The following ELOVL6 variants were observed in gnomAD, a reference collection of about 807,000 sequenced individuals.
ELOVL6 encodes ELOVL fatty acid elongase 6, also known as very long chain fatty acid elongase 6.
Under a neutral mutation model 31.7 loss-of-function variants are expected in ELOVL6, and 8 were observed. The observed-to-expected ratio is 0.25, with a 90% CI of 0.15 to 0.45. The LOEUF (loss-of-function observed/expected upper bound fraction) is 0.45. ELOVL6 is among the 20% of genes least tolerant of loss of function. ELOVL6 has a pLI of 1.00. For synonymous variants in ELOVL6, 101 were observed against 117.7 expected (o/e 0.86, Z 0.92); for missense variants, 126 against 326.4 (o/e 0.39, Z 4.73).
chr4:110,117,231 C>G (rs557823405), intron 1 of ELOVL6, among the ~76,000 whole-genome samples: 4 of 152,104 alleles, frequency 2.6e-5, no homozygotes, highest in African/African-American at 9.7e-5. Context: ...CCCAAAAATG[C>G]CAATAGTGCT....
At chr4:110,059,053 T>G (rs2126221959) in intron 3 of ELOVL6, among the ~76,000 whole-genome samples, 1 of 152,324 alleles carries the variant, frequency 6.6e-6, no homozygotes, top group East Asian at 1.9e-4. Context: ...AGCCTGTATT[T>G]TCTATTACTT....
chr4:110,131,911 A>C (rs1757680908), intron 1 of ELOVL6, among the ~76,000 whole-genome samples: 2 of 152,248 alleles, frequency 1.3e-5, no homozygotes, highest in African/African-American at 4.8e-5. Context: ...AGAGAAGGAC[A>C]GAAATTCTCT....
At chr4:110,096,450 C>T (rs1006505314) in intron 2 of ELOVL6, among the ~76,000 whole-genome samples, 2 of 152,130 alleles carry the variant, frequency 1.3e-5, no homozygotes, top group Non-Finnish European at 2.9e-5. Flanking sequence ...CAGTTTTAGA[C>T]ATCTAGAAAA....
chr4:110,066,667 T>C (rs529941412), intron 2 of ELOVL6, among the ~76,000 whole-genome samples: 1 of 141,358 alleles, frequency 7.1e-6, no homozygotes, highest in Admixed American at 7.0e-5. Context: ...AAAAAAAGAA[T>C]TATGGCATCT....
intron 1 of ELOVL6, among the ~76,000 whole-genome samples, chr4:110,180,821 CTG>C (rs1759250250): frequency 6.6e-6 from 1 of 152,132 alleles, no homozygotes; most frequent in Non-Finnish European, 1.5e-5. Flanking sequence ...TAGCCAAGAG[CTG>C]TTTATAGAGA....
At chr4:110,198,090 CGTCTCCTG>C in intron 1 of ELOVL6, 149 bp downstream of exon 1, 1 of 419,292 alleles carries the variant, frequency 2.4e-6, no homozygotes, top group Non-Finnish European at 4.5e-6. Context: ...CCCCCCCCAG[CGTCTCCTG>C]CACCCGGGAG....
intron 3 of ELOVL6, among the ~76,000 whole-genome samples, chr4:110,057,329 A>G (rs72676979): frequency 1.5e-5 from 2 of 133,556 alleles, no homozygotes; most frequent in African/African-American, 7.8e-5. Context: ...ATTTCTTATT[A>G]AAAAAAAAAT....
At chr4:110,075,601 TA>T (rs562114130) in intron 2 of ELOVL6, among the ~76,000 whole-genome samples, 111 of 152,272 alleles carry the variant, frequency 7.3e-4, no homozygotes, top group African/African-American at 2.6e-3. Flanking sequence ...GTTGTTGGGT[TA>T]GGGGGAGGCA....
intron 1 of ELOVL6, among the ~76,000 whole-genome samples, chr4:110,178,443 G>A (rs1319701994): frequency 6.6e-6 from 1 of 152,094 alleles, no homozygotes; most frequent in East Asian, 1.9e-4. Flanking sequence ...TTGGGAGGCT[G>A]AGGCAGAAGA....
upstream of ELOVL6, chr4:110,199,049 C>G (rs1045773593): frequency 5.5e-4 from 83 of 152,200 alleles, no homozygotes; most frequent in African/African-American, 2.0e-3. Flanking sequence ...GGACCACCCC[C>G]ACCCCTACCC....
At chr4:110,105,226 T>G (rs1756852334) in intron 2 of ELOVL6, among the ~76,000 whole-genome samples, 3 of 152,196 alleles carry the variant, frequency 2.0e-5, no homozygotes, top group African/African-American at 7.2e-5. Flanking sequence ...ATTGCTGTAC[T>G]GCTTCTCATC....
intron 1 of ELOVL6, among the ~76,000 whole-genome samples, chr4:110,113,493 G>A (rs1274243763): frequency 1.3e-5 from 2 of 151,046 alleles, no homozygotes; most frequent in African/African-American, 4.9e-5. Context: ...TAGGGTGGGA[G>A]GACTGAGCCT....
intron 3 of ELOVL6, among the ~76,000 whole-genome samples, 162 bp downstream of exon 3, chr4:110,059,441 G>A (rs545172091): frequency 6.6e-6 from 1 of 152,228 alleles, no homozygotes; most frequent in East Asian, 1.9e-4. Flanking sequence ...AAGAGGGAGC[G>A]AACAATAAAA....
At chr4:110,165,257 G>C (rs1758742502) in intron 1 of ELOVL6, among the ~76,000 whole-genome samples, 1 of 152,166 alleles carries the variant, frequency 6.6e-6, no homozygotes. Context: ...GTGGAACCAT[G>C]TGCTATTGCC....
intron 1 of ELOVL6, among the ~76,000 whole-genome samples, chr4:110,191,912 G>A (rs975226409): frequency 1.3e-5 from 2 of 152,248 alleles, no homozygotes; most frequent in Middle Eastern, 3.4e-3. Flanking sequence ...TCCTCTGGCC[G>A]GGCATGGTGG....
chr4:110,196,062 T>TGGA (rs1428798112), intron 1 of ELOVL6, among the ~76,000 whole-genome samples: 1 of 152,074 alleles, frequency 6.6e-6, no homozygotes, highest in African/African-American at 2.4e-5. Context: ...ACTGAGTGAA[T>TGGA]GGAGAGAAGA....
chr4:110,084,140 A>ATATATAACATATAACT (rs1756052146), intron 2 of ELOVL6, among the ~76,000 whole-genome samples: 5 of 76,492 alleles, frequency 6.5e-5, no homozygotes, highest in African/African-American at 5.1e-4. Flanking sequence ...TGATAATGAT[A>ATATATAACATATAACT]TATATGATAT....
In ELOVL6 at chr4:110,153,354, T is replaced by G. The variant is rs140009378; in HGVS notation, c.89+44893A>C. On this transcript the variant is annotated intron_variant, in intron 1 of 3. Transcript: ENST00000302274. ...CAAAATATTAATCTTCAAAATACAA[T>G]GACAGCAATTACTACCTACTTATCT... Among the ~76,000 whole-genome samples, 426 of 152,344 alleles carry G rather than the reference T, an allele frequency of 2.8e-3. 1 individual carries two copies. Among genetic ancestry groups the G allele is most frequent in the African/African-American group, 8.5e-3 (353 of 41,586 alleles).
At chr4:110,155,035 C>A (rs75629198) in intron 1 of ELOVL6, among the ~76,000 whole-genome samples, 1 of 151,984 alleles carries the variant, frequency 6.6e-6, no homozygotes, top group East Asian at 1.9e-4. Flanking sequence ...TATATGCTTG[C>A]TACAATATAT....
Sources: gnomAD v4.1 joint callset for allele counts (sites outside exome capture counted in the v4.1 genomes callset) on GRCh38, gnomAD v4.1.1 for gene constraint, MANE v1.5 for transcripts, NCBI Gene and HGNC (gene_info 2026-07-23, HGNC 2026-07-21) for gene names.